The following L3MBTL3 variants were observed in gnomAD, a reference collection of about 807,000 sequenced individuals.
The protein encoded by L3MBTL3 is L3MBTL histone methyl-lysine binding protein 3, also known as lethal(3)malignant brain tumor-like protein 3.
Under a neutral mutation model 102.3 loss-of-function variants are expected in L3MBTL3, and 27 were observed. The ratio of observed to expected loss-of-function variants is 0.26; its 90% CI spans 0.19 to 0.36. The LOEUF (loss-of-function observed/expected upper bound fraction) is 0.36. L3MBTL3 is among the 10% of genes least tolerant of loss of function. The pLI is 1.00. For missense variants in L3MBTL3, 798 were observed against 955.3 expected (o/e 0.84, Z 2.17); for synonymous variants, 340 against 320.9 (o/e 1.06, Z -0.64).
chr6:130,099,046 C>A (rs1784528927), intron 18 of L3MBTL3, among the ~76,000 whole-genome samples: 2 of 151,512 alleles, frequency 1.3e-5, no homozygotes, highest in Admixed American at 1.3e-4. Flanking sequence ...TTTAAGGTGG[C>A]ATTGGAGAAC....
intron 19 of L3MBTL3, among the ~76,000 whole-genome samples, chr6:130,109,631 A>G (rs544769729): frequency 1.5e-4 from 23 of 152,288 alleles, no homozygotes; most frequent in African/African-American, 5.5e-4. Flanking sequence ...GGTAGCTTGC[A>G]AAAATTTTCT....
At chr6:130,136,765 G>A (rs1376294743) in intron 22 of L3MBTL3, among the ~76,000 whole-genome samples, 14 of 151,962 alleles carry the variant, frequency 9.2e-5, no homozygotes, top group Non-Finnish European at 8.8e-5. Flanking sequence ...CTGCAGGTGC[G>A]TGCCACCACA....
chr6:130,093,883 T>G (rs1784201553), intron 17 of L3MBTL3, among the ~76,000 whole-genome samples: 1 of 152,258 alleles, frequency 6.6e-6, no homozygotes, highest in Admixed American at 6.5e-5. Flanking sequence ...TCTATAGTAC[T>G]TGAAGTGTTC....
intron 2 of L3MBTL3, among the ~76,000 whole-genome samples, chr6:130,028,508 A>G (rs1053381888): frequency 3.3e-5 from 5 of 152,220 alleles, no homozygotes; most frequent in South Asian, 2.1e-4. Flanking sequence ...CTAAGATTTC[A>G]GTTCTCACAT....
chr6:130,108,273 C>A, intron 19 of L3MBTL3, among the ~76,000 whole-genome samples: 1 of 117,772 alleles, frequency 8.5e-6, no homozygotes, highest in East Asian at 2.8e-4. Flanking sequence ...CTTGCTCTGT[C>A]ACCCAGGCTG....
Position 130,137,140 on chromosome 6 carries a change from C to T in L3MBTL3, c.2200-2470C>T, listed in dbSNP as rs141893625. ...TTGAGTGAATACATTCATGCCTTTA[C>T]ACTCTGAGAAAGACTCACTCAGACA... On this transcript the variant is annotated intron_variant, in intron 22 of 22. Transcript: ENST00000361794. Among the ~76,000 whole-genome samples the T allele has an allele frequency of 5.6e-4, 86 of 152,264 alleles. No homozygotes were observed. The East Asian group carries it at 0.014, about 24-fold the overall frequency.
chr6:130,042,467 A>G (rs905193868), intron 2 of L3MBTL3, among the ~76,000 whole-genome samples: 7 of 152,166 alleles, frequency 4.6e-5, no homozygotes, highest in Admixed American at 6.5e-5. Flanking sequence ...CTTTTTAACT[A>G]AGACATTTTT....
intron 8 of L3MBTL3, among the ~76,000 whole-genome samples, chr6:130,055,544 C>T (rs1442696355): frequency 7.4e-6 from 1 of 135,484 alleles, no homozygotes; most frequent in Non-Finnish European, 1.6e-5. Flanking sequence ...CTCTCCCTCC[C>T]TGTCTCCCTC....
intron 19 of L3MBTL3, among the ~76,000 whole-genome samples, chr6:130,119,790 A>G: frequency 6.6e-6 from 1 of 152,202 alleles, no homozygotes; most frequent in East Asian, 1.9e-4. Flanking sequence ...GATAATCACA[A>G]ATAAACAATA....
At chr6:130,070,196 T>C (rs1782538356) in intron 12 of L3MBTL3, among the ~76,000 whole-genome samples, 1 of 152,202 alleles carries the variant, frequency 6.6e-6, no homozygotes, top group South Asian at 2.1e-4. Flanking sequence ...GATATACTAG[T>C]CTATAATATG....
At chr6:130,049,539 G>A in intron 4 of L3MBTL3, 146 bp downstream of exon 4, 1 of 713,152 alleles carries the variant, frequency 1.4e-6, no homozygotes, top group South Asian at 2.0e-5. Flanking sequence ...TAATGAAACT[G>A]ATAGGAGCCA....
intron 20 of L3MBTL3, among the ~76,000 whole-genome samples, chr6:130,122,329 T>C (rs370816974): frequency 1.3e-5 from 2 of 152,220 alleles, no homozygotes; most frequent in African/African-American, 4.8e-5. Flanking sequence ...TTAAAAGTTA[T>C]AGTCAGTGCT....
At chr6:130,071,936 A>G (rs570391322) in intron 13 of L3MBTL3, among the ~76,000 whole-genome samples, 5 of 152,148 alleles carry the variant, frequency 3.3e-5, no homozygotes, top group Non-Finnish European at 5.9e-5. Context: ...ATTGTTTAAA[A>G]AAGAAGAGAT....
At chr6:130,081,041 A>G (rs1272698292) in intron 14 of L3MBTL3, among the ~76,000 whole-genome samples, 3 of 152,210 alleles carry the variant, frequency 2.0e-5, no homozygotes, top group Non-Finnish European at 2.9e-5. Context: ...TTCTGCATCC[A>G]CTAAGCTGCC....
intron 10 of L3MBTL3, among the ~76,000 whole-genome samples, chr6:130,064,489 T>C (rs527962281): frequency 1.3e-4 from 20 of 152,118 alleles, no homozygotes; most frequent in African/African-American, 4.8e-4. Flanking sequence ...TGCCAGGGTA[T>C]TGGATAAGTC....
chr6:130,078,420 A>T, intron 13 of L3MBTL3, 138 bp from the exon 14 acceptor site: 1 of 556,182 alleles, frequency 1.8e-6, no homozygotes, highest in Non-Finnish European at 3.2e-6. Flanking sequence ...TTGGTTTAGC[A>T]TTTTTTTCCA....
At position 130,059,471 on chromosome 6, in the gene L3MBTL3, T is replaced by C. The variant is rs1205531495; in HGVS notation, c.760-565T>C. ...TAATTTACGTTCTTCCCTATTGATT[T>C]GCACATACATGCATGTATACTTTCA... On this transcript the variant is annotated intron_variant, in intron 9 of 22. Coordinates refer to ENST00000361794, the MANE Select transcript of L3MBTL3 (RefSeq NM_032438.4). Among the ~76,000 whole-genome samples the C allele has an allele frequency of 2.6e-5, 4 of 152,266 alleles. No individual in the cohort carries two copies. The East Asian group carries it at 7.7e-4, about 29-fold the overall frequency.
At chr6:130,117,515 T>C (rs1785797112) in intron 19 of L3MBTL3, among the ~76,000 whole-genome samples, 1 of 152,154 alleles carries the variant, frequency 6.6e-6, no homozygotes, top group African/African-American at 2.4e-5. Flanking sequence ...TCATATTTTG[T>C]CTGTAATTGG....
chr6:130,052,908 C>G lies in L3MBTL3; in HGVS notation c.499C>G (p.Pro167Ala). Residue 167 changes from proline (P) to alanine (A), a missense_variant, in exon 7 of 23, where the codon CCT (proline) becomes GCT (alanine). This residue lies in a region of L3MBTL3 where 434 missense variants were observed against 506.6 expected (regional missense o/e 0.86). Coordinates refer to ENST00000361794, the MANE Select transcript of L3MBTL3 (RefSeq NM_032438.4). ...AGAAGAAGACAATGAGGAAGAAGAT[C>G]CTAAGTGTAGTCGGAAGAAAAAACC... ...DVEEDNEEED[P>A]KCSRKKKPKL... 5.6e-6 allele frequency: 9 copies of G among 1,613,788 alleles called. No individual in the cohort carries two copies. The highest frequency in any genetic ancestry group is 7.6e-6 in the Non-Finnish European group (9 of 1,179,804).
Sources: allele counts gnomAD v4.1 joint callset (sites outside exome capture counted in the v4.1 genomes callset), GRCh38; gene constraint gnomAD v4.1.1; regional missense constraint gnomAD v4.1.1; transcripts MANE v1.5; gene names NCBI Gene and HGNC (gene_info 2026-07-23, HGNC 2026-07-21).